Variants in PCDHA12 observed in about 807,000 individuals in gnomAD.
The protein encoded by PCDHA12 is protocadherin alpha-12.
In PCDHA12, 44 loss-of-function variants were observed where a neutral mutation model predicts 60.0. That is an observed-to-expected ratio of 0.73 (90% CI 0.58 to 0.94). The LOEUF (loss-of-function observed/expected upper bound fraction) is 0.94. PCDHA12 is among the 40% of genes least tolerant of loss of function. The pLI is 0.00. For missense variants in PCDHA12, 1,276 were observed against 1,239.7 expected (o/e 1.03, Z -0.44); for synonymous variants, 569 against 553.0 (o/e 1.03, Z -0.40).
chr5:140,878,139 T>G, intron 1 of PCDHA12: 1 of 191,254 alleles, frequency 5.2e-6, no homozygotes, highest in South Asian at 1.6e-4. Flanking sequence ...AGTGGCCAGA[T>G]GTTTGATAAC....
intron 1 of PCDHA12, among the ~76,000 whole-genome samples, chr5:140,960,030 C>T (rs75063622): frequency 0.012 from 1,781 of 152,150 alleles, 34 homozygotes; most frequent in African/African-American, 0.039. Flanking sequence ...TTGTTAAGTC[C>T]GGCTGTTTAT....
chr5:140,917,999 A>T (rs1292582356), intron 1 of PCDHA12, among the ~76,000 whole-genome samples: 2 of 152,162 alleles, frequency 1.3e-5, no homozygotes, highest in African/African-American at 4.8e-5. Context: ...GGTTATCTTA[A>T]CAATGTTGTT....
At chr5:140,915,581 A>G (rs1563006188) in intron 1 of PCDHA12, among the ~76,000 whole-genome samples, 1 of 151,994 alleles carries the variant, frequency 6.6e-6, no homozygotes, top group Non-Finnish European at 1.5e-5. Flanking sequence ...GCCAGGCAAA[A>G]GCACTTGTTC....
chr5:140,915,626 GTCTCTC>G (rs57920489), intron 1 of PCDHA12, among the ~76,000 whole-genome samples: 2,942 of 146,518 alleles, frequency 0.02, 88 homozygotes, highest in African/African-American at 0.07. Context: ...GTCTCTTTCT[GTCTCTC>G]TCTCTCTCTC....
intron 1 of PCDHA12, among the ~76,000 whole-genome samples, chr5:140,960,717 T>G (rs367185): frequency 9.9e-5 from 3 of 30,264 alleles, no homozygotes; most frequent in African/African-American, 2.5e-4. Flanking sequence ...ATACTCATCT[T>G]ATTTTAGTCC....
intron 3 of PCDHA12, among the ~76,000 whole-genome samples, chr5:141,007,961 C>G (rs1554261577): frequency 6.6e-6 from 1 of 152,176 alleles, no homozygotes; most frequent in East Asian, 1.9e-4. Flanking sequence ...TGCTCATTCT[C>G]TGGGTGTCTG....
At chr5:140,899,252 C>T (rs1219703479) in intron 1 of PCDHA12, among the ~76,000 whole-genome samples, 1 of 152,142 alleles carries the variant, frequency 6.6e-6, no homozygotes, top group Non-Finnish European at 1.5e-5. Context: ...TGAGAGAGGG[C>T]ATCCCTGTCT....
At chr5:140,921,060 A>T (rs543644748) in intron 1 of PCDHA12, among the ~76,000 whole-genome samples, 11 of 152,040 alleles carry the variant, frequency 7.2e-5, no homozygotes, top group African/African-American at 2.7e-4. Flanking sequence ...GCTCACTCTA[A>T]CCTTGAACTC....
chr5:140,952,338 C>CAAAAAAAA (rs55931446), intron 1 of PCDHA12, among the ~76,000 whole-genome samples: 1 of 135,028 alleles, frequency 7.4e-6, no homozygotes. Context: ...AACTCCATCT[C>CAAAAAAAA]AAAAAAAAAA....
At chr5:140,882,018 A>C in intron 1 of PCDHA12, 2 of 559,360 alleles carry the variant, frequency 3.6e-6, no homozygotes, top group East Asian at 3.1e-5. Context: ...AAAATACTAC[A>C]TCAATGGAAA....
chr5:140,878,274 C>G (rs1273765492), intron 1 of PCDHA12, among the ~76,000 whole-genome samples: 3 of 152,092 alleles, frequency 2.0e-5, no homozygotes, highest in Non-Finnish European at 1.5e-5. Flanking sequence ...TTTAAAATAG[C>G]CTTCTTGATC....
intron 1 of PCDHA12, among the ~76,000 whole-genome samples, chr5:140,913,292 T>G (rs1252467748): frequency 6.6e-6 from 1 of 152,184 alleles, no homozygotes; most frequent in African/African-American, 2.4e-5. Flanking sequence ...AGGTTTTAAT[T>G]TCTTCATAGA....
intron 1 of PCDHA12, among the ~76,000 whole-genome samples, chr5:140,899,512 G>C (rs4386771): frequency 0.046 from 7,065 of 152,150 alleles, 285 homozygotes; most frequent in African/African-American, 0.11. Flanking sequence ...TGCATATATT[G>C]CATCCCAGGG....
intron 3 of PCDHA12, among the ~76,000 whole-genome samples, chr5:140,992,354 A>C (rs996986066): frequency 1.3e-5 from 2 of 152,184 alleles, no homozygotes; most frequent in Non-Finnish European, 2.9e-5. Context: ...TGGAGAGAGG[A>C]GAAAAATGGT....
chr5:141,006,206 A>AT (rs1178693799), intron 3 of PCDHA12, among the ~76,000 whole-genome samples: 16 of 147,954 alleles, frequency 1.1e-4, no homozygotes, highest in East Asian at 5.9e-4. Context: ...GTTATGCCTC[A>AT]TTTTTTTTTA....
At chr5:140,884,556 G>T in intron 1 of PCDHA12, 1 of 1,614,154 alleles carries the variant, frequency 6.2e-7, no homozygotes, top group Non-Finnish European at 8.5e-7. Context: ...TCTGGGGAGG[G>T]CCCGCATAAG....
Position 140,877,195 on chromosome 5 carries a change from G to A in PCDHA12, c.1723G>A (p.Gly575Ser). The change falls in exon 1 of 4, where the codon GGC becomes AGC. Residue 575 changes from glycine to serine, a missense_variant. Transcript: ENST00000398631. The part of the protein sequence containing the change: ...LLATPAGSAG[G>S]AVSELVPRSV... ...GGCGACTCCGGCTGGCAGCGCAGGA[G>A]GCGCAGTTAGCGAGTTGGTACCGCG... The A allele has an allele frequency of 1.2e-6, 2 of 1,613,838 alleles. No homozygotes were observed. Among genetic ancestry groups the A allele is most frequent in the East Asian group, 2.2e-5 (1 of 44,852 alleles).
At chr5:140,914,426 A>T (rs1554196349) in intron 1 of PCDHA12, among the ~76,000 whole-genome samples, 1 of 152,140 alleles carries the variant, frequency 6.6e-6, no homozygotes. Context: ...TTAGCAAGGA[A>T]TATCTTTTCC....
chr5:140,886,961 C>T (rs1340952035), intron 1 of PCDHA12, among the ~76,000 whole-genome samples: 1 of 151,926 alleles, frequency 6.6e-6, no homozygotes, highest in South Asian at 2.1e-4. Context: ...CATTTAGCAA[C>T]GAAATTTATT....
Sources: gnomAD v4.1 joint callset for allele counts (sites outside exome capture counted in the v4.1 genomes callset) on GRCh38, gnomAD v4.1.1 for gene constraint, MANE v1.5 for transcripts, NCBI Gene and HGNC (gene_info 2026-07-23, HGNC 2026-07-21) for gene names.